The following CCNG1 variants were observed in gnomAD, a reference collection of about 807,000 sequenced individuals.
CCNG1 encodes cyclin-G1.
In CCNG1, 13 loss-of-function variants were observed where a neutral mutation model predicts 30.0. The ratio of observed to expected loss-of-function variants is 0.43; its 90% confidence interval spans 0.28 to 0.69. CCNG1 has a LOEUF of 0.69. Among genes scored for constraint, CCNG1 ranks in the 30% least tolerant of loss-of-function variants. The pLI is 0.16. For missense variants in CCNG1, 285 were observed against 331.4 expected (o/e 0.86, Z 1.09); for synonymous variants, 110 against 121.5 (o/e 0.91, Z 0.62).
At chr5:163,453,041 T>G in the CCNG1 span, 1 of 152,312 alleles carries the variant, frequency 6.6e-6, no homozygotes. Flanking sequence ...TTCTAATGGT[T>G]GCATTGTAGT....
the CCNG1 span, among the ~76,000 whole-genome samples, chr5:163,455,428 G>A: frequency 6.6e-6 from 1 of 152,220 alleles, no homozygotes; most frequent in African/African-American, 2.4e-5. Context: ...ATGACTTGCA[G>A]AGTTCTGAGA....
Position 163,442,364 on chromosome 5 carries a change from G to C in CCNG1, c.697-10G>C. 1.9e-6 allele frequency: 3 copies of C among 1,592,734 alleles called. No homozygotes were observed. Among genetic ancestry groups the C allele is most frequent in the Non-Finnish European group, 2.6e-6 (3 of 1,170,390 alleles). On this transcript the variant is annotated splice_polypyrimidine_tract_variant and intron_variant, in intron 5 of 6. Coordinates refer to ENST00000340828, the MANE Select transcript of CCNG1 (RefSeq NM_004060.4). ...GGAGTAATAATTTTTTAAAATTTAT[G>C]TATGTACAGATAAATGGCAGAGATC... is the stretch of plus-strand genomic sequence containing the variant.
chr5:163,452,414 T>G, the CCNG1 span: 1 of 152,194 alleles, frequency 6.6e-6, no homozygotes, highest in Admixed American at 6.5e-5. Flanking sequence ...ATGATGGGAA[T>G]GTGTCAGAAG....
chr5:163,441,761 G>A (rs1757826274), intron 3 of CCNG1, 125 bp from the exon 4 acceptor site: 3 of 630,588 alleles, frequency 4.8e-6, no homozygotes, highest in Admixed American at 6.0e-5. Context: ...CCTTTCAATA[G>A]TTCATTTGCT....
chr5:163,442,244 A>G (rs1477153085), intron 5 of CCNG1, 101 bp downstream of exon 5: 1 of 1,093,470 alleles, frequency 9.1e-7, no homozygotes, highest in Non-Finnish European at 1.3e-6. Flanking sequence ...TTTATTTGAA[A>G]CTTAAGTAGC....
intron 6 of CCNG1, 61 bp downstream of exon 6, chr5:163,442,629 A>C: frequency 1.6e-6 from 2 of 1,290,172 alleles, no homozygotes; most frequent in Non-Finnish European, 1.1e-6. Flanking sequence ...ATAATTTTCA[A>C]CTAAAGAAGA....
In CCNG1 at chr5:163,441,731, T is replaced by C. The variant is rs376841775; in HGVS notation, c.519-155T>C. 83 of 597,894 alleles carry C rather than the reference T, an allele frequency of 1.4e-4. 1 individual carries two copies. Among genetic ancestry groups the C allele is most frequent in the East Asian group, 1.0e-3 (36 of 34,958 alleles). 37.0% of individuals were successfully genotyped at this position (597,894 alleles called of 1,614,324 possible). On this transcript the variant is annotated intron_variant, in intron 3 of 6. Coordinates refer to ENST00000340828, the MANE Select transcript of CCNG1 (RefSeq NM_004060.4). ...CATATGGTGCCTTTAGAAGTTAGTA[T>C]CTCTGATGGAAGGGGAATTCCTTTC...
At chr5:163,438,040 A>G (rs1451214597) in intron 1 of CCNG1, among the ~76,000 whole-genome samples, 1 of 151,648 alleles carries the variant, frequency 6.6e-6, no homozygotes, top group Non-Finnish European at 1.5e-5. Context: ...GAAGAATGGA[A>G]CCCCTGCAGT....
chr5:163,439,283 C>T lies in CCNG1; in HGVS notation c.27C>T (p.Asp9=). 6.2e-7 allele frequency: 1 copy of T among 1,613,628 alleles called. No individual in the cohort carries two copies. The highest frequency in any genetic ancestry group is 8.5e-7 in the Non-Finnish European group (1 of 1,179,940). ...TGATAGAGGTACTGACAACAACTGA[C>T]TCTCAGAAACTGCTACACCAGCTGA... is the stretch of plus-strand genomic sequence containing the variant. MIEVLTTT[D]SQKLLHQLNA... is the part of the protein sequence containing the mutation. Residue 9 remains aspartate, a synonymous_variant, in exon 2 of 7, where the codon GAC becomes GAT. Transcript: ENST00000340828.
chr5:163,455,920 A>G, the CCNG1 span, among the ~76,000 whole-genome samples: 1 of 152,198 alleles, frequency 6.6e-6, no homozygotes, highest in African/African-American at 2.4e-5. Context: ...TTTCGAAGGT[A>G]GCATCAGTAA....
chr5:163,456,095 C>T, the CCNG1 span, among the ~76,000 whole-genome samples: 28 of 152,168 alleles, frequency 1.8e-4, no homozygotes, highest in Non-Finnish European at 3.4e-4. Flanking sequence ...ACATGTTGAG[C>T]TTAATATACA....
chr5:163,455,174 T>C, the CCNG1 span, among the ~76,000 whole-genome samples: 1 of 148,434 alleles, frequency 6.7e-6, no homozygotes, highest in Non-Finnish European at 1.5e-5. Flanking sequence ...ATAAGGGAAA[T>C]AAAATTATAT....
At chr5:163,457,179 T>C in the CCNG1 span, 4 of 1,258,750 alleles carry the variant, frequency 3.2e-6, no homozygotes, top group African/African-American at 3.1e-5. Context: ...TCACCCAGGC[T>C]GGAGTGCAGC....
downstream of CCNG1, chr5:163,449,925 T>G (rs1005843308): frequency 6.6e-5 from 10 of 152,180 alleles, no homozygotes; most frequent in Non-Finnish European, 1.0e-4. Flanking sequence ...ATCACGGATC[T>G]AAATGTAGAA....
In CCNG1 at chr5:163,439,179, G is replaced by C. The variant is rs550507893; in HGVS notation, c.1-78G>C. The C allele has an allele frequency of 1.4e-4, 179 of 1,258,514 alleles. No individual in the cohort carries two copies. The highest frequency in any genetic ancestry group is 7.7e-4 in the Admixed American group (36 of 46,504). The allele number at this position is 1,258,514 out of a possible 1,614,324, so 78.0% of individuals were successfully genotyped here. ...ATGGGAGGCTTATAAATCATTTCTT[G>C]GCCCAGTGCAAAGATGGCCAAGGAA... is the stretch of plus-strand genomic sequence containing the variant. On this transcript the variant is annotated intron_variant, in intron 1 of 6. Transcript: ENST00000340828.
intron 1 of CCNG1, among the ~76,000 whole-genome samples, chr5:163,438,936 G>T (rs893408740): frequency 3.3e-5 from 5 of 149,908 alleles, no homozygotes; most frequent in African/African-American, 1.2e-4. Flanking sequence ...TGAGGCAGGA[G>T]AATCGCTTGA....
chr5:163,446,205 A>C (rs930391190), downstream of CCNG1: 3 of 152,212 alleles, frequency 2.0e-5, no homozygotes, highest in African/African-American at 7.2e-5. Flanking sequence ...TTTTTTAAAA[A>C]GTATCTGAAC....
chr5:163,441,032 A>G (rs1561617138), intron 2 of CCNG1, 46 bp from the exon 3 acceptor site: 1 of 1,557,492 alleles, frequency 6.4e-7, no homozygotes, highest in Middle Eastern at 1.7e-4. Context: ...TTTAATTGAA[A>G]TAAGGTAGAG....
At chr5:163,445,989 C>T (rs899432500), downstream of CCNG1, 3 of 152,018 alleles carry the variant, frequency 2.0e-5, no homozygotes, top group Non-Finnish European at 4.4e-5. Context: ...CAGGTAACCA[C>T]CATGTGTTAT....
Sources: gnomAD v4.1 joint callset for allele counts (sites outside exome capture counted in the v4.1 genomes callset) on GRCh38, gnomAD v4.1.1 for gene constraint, MANE v1.5 for transcripts, NCBI Gene and HGNC (gene_info 2026-07-23, HGNC 2026-07-21) for gene names.